The following POU2AF1 variants were observed in gnomAD, a reference collection of about 807,000 sequenced individuals.
POU2AF1 encodes POU class 2 homeobox associating factor 1.
A neutral mutation model predicts 26.3 loss-of-function variants in POU2AF1; 12 were observed. That is an observed-to-expected ratio of 0.46 (90% CI 0.29 to 0.74). POU2AF1 has a LOEUF of 0.74. Ranked by LOEUF, POU2AF1 falls within the 30% of genes least tolerant of loss-of-function variation. POU2AF1 has a pLI of 0.09. For missense variants in POU2AF1, 297 were observed against 334.5 expected (o/e 0.89, Z 0.87); for synonymous variants, 175 against 148.0 (o/e 1.18, Z -1.32).
chr11:111,356,949 C>T (rs1014263518), intron 4 of POU2AF1, among the ~76,000 whole-genome samples: 1 of 152,222 alleles, frequency 6.6e-6, no homozygotes, highest in Non-Finnish European at 1.5e-5. Context: ...AGAGACAGAA[C>T]TTTAAAAAAT....
chr11:111,359,971 G>A (rs763523515), intron 1 of POU2AF1: 5 of 518,916 alleles, frequency 9.6e-6, no homozygotes, highest in African/African-American at 5.8e-5. Flanking sequence ...ATTACCCAAG[G>A]GTGATCCTTG....
chr11:111,369,620 T>C (rs1861170226), intron 1 of POU2AF1, among the ~76,000 whole-genome samples: 1 of 152,212 alleles, frequency 6.6e-6, no homozygotes, highest in Non-Finnish European at 1.5e-5. Flanking sequence ...AGCAGATTCC[T>C]GGATTACATA....
At chr11:111,358,627 TTCTCTCTCAC>T (rs1860934196) in intron 2 of POU2AF1, among the ~76,000 whole-genome samples, 151 bp downstream of exon 2, 1 of 145,644 alleles carries the variant, frequency 6.9e-6, no homozygotes, top group Non-Finnish European at 1.5e-5. Context: ...CAGATACACA[TTCTCTCTCAC>T]ACTATCACAC....
chr11:111,374,348 C>T (rs962113627), intron 1 of POU2AF1, among the ~76,000 whole-genome samples: 10 of 152,130 alleles, frequency 6.6e-5, no homozygotes, highest in African/African-American at 2.2e-4. Context: ...CACCTCCAGA[C>T]AGTGCACGTG....
At chr11:111,372,290 C>A (rs1287744564) in intron 1 of POU2AF1, among the ~76,000 whole-genome samples, 1 of 152,126 alleles carries the variant, frequency 6.6e-6, no homozygotes, top group African/African-American at 2.4e-5. Context: ...GCTAAAATAT[C>A]TTCAAACTGT....
At chr11:111,370,815 C>G (rs1403073881) in intron 1 of POU2AF1, among the ~76,000 whole-genome samples, 2 of 152,180 alleles carry the variant, frequency 1.3e-5, no homozygotes, top group Non-Finnish European at 2.9e-5. Flanking sequence ...TCTTCAGGAT[C>G]CAAACCCAAT....
intron 1 of POU2AF1, among the ~76,000 whole-genome samples, chr11:111,366,756 C>T (rs1157622609): frequency 1.3e-5 from 2 of 152,112 alleles, no homozygotes; most frequent in African/African-American, 4.8e-5. Context: ...AGGGGACACT[C>T]TTAAAGTATG....
At chr11:111,359,892 C>T (rs1860971753) in intron 1 of POU2AF1, 1 of 507,706 alleles carries the variant, frequency 2.0e-6, no homozygotes, top group African/African-American at 1.9e-5. Flanking sequence ...CTTCCCTTCA[C>T]CTCTCCTACA....
chr11:111,379,023 T>G, intron 1 of POU2AF1, 139 bp downstream of exon 1: 1 of 385,704 alleles, frequency 2.6e-6, no homozygotes, highest in Non-Finnish European at 4.3e-6. Context: ...CCCTCCCTGC[T>G]CCGGGGCTTG....
chr11:111,371,874 G>T (rs1861215016), intron 1 of POU2AF1, among the ~76,000 whole-genome samples: 2 of 152,076 alleles, frequency 1.3e-5, no homozygotes, highest in Admixed American at 1.3e-4. Context: ...AACCAGTAAG[G>T]CATAAACCTA....
At chr11:111,362,655 T>C (rs557999639) in intron 1 of POU2AF1, among the ~76,000 whole-genome samples, 62 of 152,360 alleles carry the variant, frequency 4.1e-4, no homozygotes, top group Non-Finnish European at 6.5e-4. Flanking sequence ...TTCACAACCA[T>C]ATCCTGCAGT....
intron 4 of POU2AF1, among the ~76,000 whole-genome samples, chr11:111,356,210 T>C (rs1030549580): frequency 6.6e-6 from 1 of 152,178 alleles, no homozygotes; most frequent in Non-Finnish European, 1.5e-5. Flanking sequence ...ATGAAATGGG[T>C]GGGAGCCGTG....
intron 1 of POU2AF1, among the ~76,000 whole-genome samples, chr11:111,367,580 C>T (rs566342152): frequency 4.6e-5 from 7 of 151,476 alleles, no homozygotes; most frequent in South Asian, 2.1e-4. Context: ...TGTCTCTGCC[C>T]GAGCAAGTCC....
chr11:111,360,058 C>T (rs1860976120), intron 1 of POU2AF1: 2 of 518,820 alleles, frequency 3.9e-6, no homozygotes, highest in Admixed American at 3.9e-5. Flanking sequence ...GCCAGGAAAC[C>T]AAAGCATTGA....
At chr11:111,354,631 C>T in intron 4 of POU2AF1, 56 bp from the exon 5 acceptor site, 1 of 1,416,328 alleles carries the variant, frequency 7.1e-7, no homozygotes, top group South Asian at 1.6e-5. Context: ...CCCATCCACC[C>T]ATCCTTGCCC....
At chr11:111,364,396 A>G (rs1861066382) in intron 1 of POU2AF1, 1 of 152,262 alleles carries the variant, frequency 6.6e-6, no homozygotes, top group African/African-American at 2.4e-5. Flanking sequence ...CAAAATTGTC[A>G]GCACTTGTTT....
chr11:111,363,986 A>T, intron 1 of POU2AF1: 1 of 985,368 alleles, frequency 1.0e-6, no homozygotes, highest in Non-Finnish European at 1.2e-6. Context: ...GCCTTTCTAT[A>T]CCACTGGAAG....
chr11:111,368,080 G>T (rs969298856), intron 1 of POU2AF1, among the ~76,000 whole-genome samples: 3 of 152,138 alleles, frequency 2.0e-5, no homozygotes, highest in African/African-American at 7.2e-5. Context: ...TAGTCTAGTG[G>T]GGTACACAGA....
At chr11:111,378,513 G>C (rs1010818971) in intron 1 of POU2AF1, among the ~76,000 whole-genome samples, 10 of 152,176 alleles carry the variant, frequency 6.6e-5, no homozygotes, top group Admixed American at 6.5e-4. Flanking sequence ...ATCCAACTCC[G>C]GGGATAAAAA....
Sources: gnomAD v4.1 joint callset for allele counts (sites outside exome capture counted in the v4.1 genomes callset) on GRCh38, gnomAD v4.1.1 for gene constraint, MANE v1.5 for transcripts, NCBI Gene and HGNC (gene_info 2026-07-23, HGNC 2026-07-21) for gene names.